Variants in SEMA6A observed in about 807,000 individuals in gnomAD.
The protein encoded by SEMA6A is semaphorin-6A.
A neutral mutation model predicts 96.8 loss-of-function variants in SEMA6A; 25 were observed. The ratio of observed to expected loss-of-function variants is 0.26; its 90% CI spans 0.19 to 0.36. The LOEUF (loss-of-function observed/expected upper bound fraction) is 0.36. Ranked by LOEUF, SEMA6A falls within the 10% of genes least tolerant of loss-of-function variation. SEMA6A has a pLI of 1.00. For missense variants in SEMA6A, 1,363 were observed against 1,323.1 expected (o/e 1.03, Z -0.47); for synonymous variants, 612 against 518.0 (o/e 1.18, Z -2.46).
intron 10 of SEMA6A, among the ~76,000 whole-genome samples, chr5:116,485,864 ACT>A (rs1336082162): frequency 6.6e-6 from 1 of 152,160 alleles, no homozygotes; most frequent in African/African-American, 2.4e-5. Flanking sequence ...CAATACGAGG[ACT>A]CTGAAATCTT....
At position 116,565,076 on chromosome 5, in the gene SEMA6A, G is replaced by A. The variant is rs145754025; in HGVS notation, c.-39+9109C>T. Among the ~76,000 whole-genome samples the A allele has an allele frequency of 1.4e-3, 206 of 152,282 alleles. 1 individual carries two copies. Among genetic ancestry groups the A allele is most frequent in the African/African-American group, 4.8e-3 (199 of 41,558 alleles). The stretch of plus-strand genomic sequence containing the variant: ...TGAATAGTCTTAATGAAGAGTTTGC[G>A]TCCCTTTGCTTTCTTGTTGAAATAT... On this transcript the variant is annotated intron_variant, in intron 1 of 18. Coordinates refer to ENST00000343348, the MANE Select transcript of SEMA6A (RefSeq NM_020796.5).
At chr5:116,477,051 T>C (rs1312781797) in intron 15 of SEMA6A, among the ~76,000 whole-genome samples, 1 of 152,232 alleles carries the variant, frequency 6.6e-6, no homozygotes, top group African/African-American at 2.4e-5. Flanking sequence ...CCTTTGGATC[T>C]GAGGAGGTTG....
intron 4 of SEMA6A, among the ~76,000 whole-genome samples, chr5:116,496,846 A>T (rs1339236829): frequency 6.6e-6 from 1 of 152,226 alleles, no homozygotes; most frequent in Non-Finnish European, 1.5e-5. Context: ...AGGTTTTATT[A>T]ACTAAAATAT....
chr5:116,509,264 T>TC (rs1758290563), intron 1 of SEMA6A, among the ~76,000 whole-genome samples: 1 of 152,188 alleles, frequency 6.6e-6, no homozygotes, highest in Non-Finnish European at 1.5e-5. Flanking sequence ...TTTTAACAAC[T>TC]CCAAGTGTGG....
At chr5:116,485,980 A>G (rs1580421949) in intron 10 of SEMA6A, among the ~76,000 whole-genome samples, 1 of 152,178 alleles carries the variant, frequency 6.6e-6, no homozygotes, top group African/African-American at 2.4e-5. Flanking sequence ...CCAGTGCATC[A>G]TTTAGTTGCT....
chr5:116,457,123 A>G (rs1372817701), intron 18 of SEMA6A, among the ~76,000 whole-genome samples: 1 of 152,188 alleles, frequency 6.6e-6, no homozygotes, highest in Non-Finnish European at 1.5e-5. Flanking sequence ...CCATAGAATT[A>G]CATGAGACAT....
chr5:116,538,633 C>T (rs545937891), intron 1 of SEMA6A, among the ~76,000 whole-genome samples: 1 of 152,206 alleles, frequency 6.6e-6, no homozygotes, highest in South Asian at 2.1e-4. Context: ...TTTATCTGTC[C>T]TTAAACTCAT....
intron 1 of SEMA6A, among the ~76,000 whole-genome samples, chr5:116,557,161 G>A (rs1580513944): frequency 6.6e-6 from 1 of 152,316 alleles, no homozygotes; most frequent in East Asian, 1.9e-4. Context: ...CTTCTCTGAG[G>A]ACTAATTATA....
In SEMA6A at chr5:116,475,612, AAAGG is replaced by A. The variant is rs1291087553; in HGVS notation, c.1650-13_1650-10del. The A allele has an allele frequency of 3.8e-6, 6 of 1,586,430 alleles. No homozygotes were observed. The South Asian group carries it at 6.9e-5, about 18-fold the overall frequency. On this transcript the variant is annotated splice_polypyrimidine_tract_variant and intron_variant, in intron 15 of 18. Coordinates refer to ENST00000343348, the MANE Select transcript of SEMA6A (RefSeq NM_020796.5). Reference sequence around the variant, plus strand: ...CCTGCTCAAAAGTCAGTCTTTTAAAAAAGGAAGGGAAAGAGAGACAGAAATGAAT... The same window carrying A: ...CCTGCTCAAAAGTCAGTCTTTTAAAAAAGGGAAAGAGAGACAGAAATGAAT...
At chr5:116,559,287 G>A (rs915931718) in intron 1 of SEMA6A, among the ~76,000 whole-genome samples, 4 of 152,170 alleles carry the variant, frequency 2.6e-5, no homozygotes, top group Admixed American at 2.6e-4. Flanking sequence ...TTGGGGGGAT[G>A]AATAACTCCT....
At chr5:116,511,334 A>T (rs965673461) in intron 1 of SEMA6A, among the ~76,000 whole-genome samples, 4 of 152,106 alleles carry the variant, frequency 2.6e-5, no homozygotes, top group Non-Finnish European at 4.4e-5. Context: ...CAATTTTTTA[A>T]AAAAAAATTT....
intron 1 of SEMA6A, among the ~76,000 whole-genome samples, chr5:116,573,841 G>T (rs1421746476): frequency 6.6e-6 from 1 of 152,044 alleles, no homozygotes; most frequent in Non-Finnish European, 1.5e-5. Flanking sequence ...CTCCCTGCTG[G>T]GCACGCGGGA....
chr5:116,573,842 G>A (rs1361619401), intron 1 of SEMA6A, among the ~76,000 whole-genome samples: 2 of 152,060 alleles, frequency 1.3e-5, no homozygotes, highest in Non-Finnish European at 2.9e-5. Flanking sequence ...TCCCTGCTGG[G>A]CACGCGGGAG....
At chr5:116,455,950 G>A (rs964019787) in intron 18 of SEMA6A, among the ~76,000 whole-genome samples, 1 of 152,142 alleles carries the variant, frequency 6.6e-6, no homozygotes, top group Admixed American at 6.5e-5. Context: ...TGAACACAAA[G>A]CAGTTGGCAT....
chr5:116,527,569 C>G (rs1349300445), intron 1 of SEMA6A, among the ~76,000 whole-genome samples: 2 of 152,156 alleles, frequency 1.3e-5, no homozygotes, highest in African/African-American at 2.4e-5. Flanking sequence ...CACCTTCTTC[C>G]TAAGAGCTGA....
intron 1 of SEMA6A, among the ~76,000 whole-genome samples, chr5:116,549,647 A>G (rs1202856409): frequency 6.6e-6 from 1 of 152,202 alleles, no homozygotes; most frequent in Admixed American, 6.5e-5. Context: ...TTCTCTTCTA[A>G]CAAGGCATAC....
intron 17 of SEMA6A, 145 bp from the exon 18 acceptor site, chr5:116,467,892 GT>G: frequency 3.2e-6 from 2 of 623,076 alleles, no homozygotes; most frequent in South Asian, 2.0e-5. Context: ...AGTGGTGGTG[GT>G]GGTGGTGGTG....
chr5:116,467,379 G>C (rs1445412737), intron 18 of SEMA6A, among the ~76,000 whole-genome samples: 1 of 152,104 alleles, frequency 6.6e-6, no homozygotes, highest in East Asian at 1.9e-4. Flanking sequence ...TATTTGTTTT[G>C]TGTGGTTTTT....
rs549730621 is a variant in SEMA6A, at chr5:116,477,918, A to G, written c.1577T>C (p.Ile526Thr). Residue 526 changes from isoleucine to threonine, a missense_variant, in exon 15 of 19, where the codon ATT becomes ACT. Physicochemically the swap from Ile to Thr is moderately conservative, Grantham distance 89. Coordinates refer to ENST00000343348, the MANE Select transcript of SEMA6A (RefSeq NM_020796.5). ...TCCACAATATGGGTCTCTGGAGGCA[A>G]TACAGGTTCTGCAGGAAGAGGATGA... ...ERHGKCKKTC[I>T]ASRDPYCGWI... The G allele has an allele frequency of 6.2e-7, 1 of 1,613,986 alleles. No homozygotes were observed. Among genetic ancestry groups the G allele is most frequent in the South Asian group, 1.1e-5 (1 of 91,086 alleles).
Sources: allele counts gnomAD v4.1 joint callset (sites outside exome capture counted in the v4.1 genomes callset), GRCh38; gene constraint gnomAD v4.1.1; transcripts MANE v1.5; gene names NCBI Gene and HGNC (gene_info 2026-07-23, HGNC 2026-07-21).